ADAMTSL1: variants seen among roughly 807,000 people sequenced by gnomAD.
The protein encoded by ADAMTSL1 is ADAMTS like 1, also known as ADAMTS-like protein 1.
A neutral mutation model predicts 201.8 loss-of-function variants in ADAMTSL1; 126 were observed. The ratio of observed to expected loss-of-function variants is 0.62; its 90% CI spans 0.54 to 0.72. The LOEUF is 0.72. ADAMTSL1 is among the 30% of genes least tolerant of loss of function. The probability of loss-of-function intolerance (pLI) is 0.00; values close to 1 mark genes in which losing one functional copy is unlikely to be tolerated. For missense variants in ADAMTSL1, 2,679 were observed against 2,277.8 expected, an observed-to-expected ratio of 1.18 and a Z score of -3.59; for synonymous variants, 1,121 against 903.4, an observed-to-expected ratio of 1.24 and a Z score of -4.32.
At chr9:17,951,779 A>C (rs1424550296) in intron 1 of ADAMTSL1, among the ~76,000 whole-genome samples, 1 of 151,788 alleles carries the variant, frequency 6.6e-6, no homozygotes, top group Non-Finnish European at 1.5e-5. Context: ...ATTTTGTTCT[A>C]ATATTTTGTA....
intron 21 of ADAMTSL1, among the ~76,000 whole-genome samples, chr9:18,823,028 A>C (rs1824312224): frequency 6.6e-6 from 1 of 152,190 alleles, no homozygotes; most frequent in Non-Finnish European, 1.5e-5. Flanking sequence ...TACATGCGTA[A>C]TGTCAGAGCC....
At chr9:18,603,160 C>T (rs1824770183) in intron 4 of ADAMTSL1, among the ~76,000 whole-genome samples, 1 of 151,448 alleles carries the variant, frequency 6.6e-6, no homozygotes, top group Admixed American at 6.6e-5. Context: ...CATGATTAAA[C>T]TCTGAGAGCT....
intron 2 of ADAMTSL1, among the ~76,000 whole-genome samples, chr9:18,396,509 A>G (rs1817758305): frequency 6.7e-6 from 1 of 148,228 alleles, no homozygotes; most frequent in Admixed American, 6.8e-5. Flanking sequence ...AATGAGTGAA[A>G]TTATATATTA....
At chr9:18,322,793 C>G (rs1028616440) in intron 2 of ADAMTSL1, among the ~76,000 whole-genome samples, 4 of 152,090 alleles carry the variant, frequency 2.6e-5, no homozygotes, top group Admixed American at 2.0e-4. Context: ...GTATCATCAA[C>G]AACTTTATGC....
intron 21 of ADAMTSL1, among the ~76,000 whole-genome samples, chr9:18,822,758 T>C (rs1009520698): frequency 6.6e-5 from 10 of 152,246 alleles, no homozygotes; most frequent in Non-Finnish European, 2.9e-5. Context: ...ATTGTGTTTA[T>C]AAAATGTTTG....
intron 4 of ADAMTSL1, among the ~76,000 whole-genome samples, chr9:18,602,544 G>T (rs1042418404): frequency 6.6e-6 from 1 of 152,170 alleles, no homozygotes; most frequent in African/African-American, 2.4e-5. Flanking sequence ...GGGGGACTTG[G>T]CAGCCTGCCT....
intron 1 of ADAMTSL1, among the ~76,000 whole-genome samples, chr9:18,503,419 G>GTATATATATATA (rs1206500089): frequency 1.7e-5 from 1 of 58,240 alleles, no homozygotes; most frequent in African/African-American, 5.8e-5. Context: ...GTATTCCATT[G>GTATATATATATA]TGTATATATA....
intron 1 of ADAMTSL1, among the ~76,000 whole-genome samples, chr9:17,930,256 T>C (rs929550303): frequency 1.3e-5 from 2 of 152,166 alleles, no homozygotes; most frequent in Admixed American, 6.5e-5. Context: ...ATGGAGTCTC[T>C]GCCGTCTTTA....
intron 1 of ADAMTSL1, among the ~76,000 whole-genome samples, chr9:18,100,975 G>A (rs1000574503): frequency 2.0e-5 from 3 of 152,078 alleles, no homozygotes; most frequent in Non-Finnish European, 2.9e-5. Context: ...CGCTCTTGAT[G>A]GCTTGTCCTC....
intron 10 of ADAMTSL1, among the ~76,000 whole-genome samples, chr9:18,679,402 T>C (rs1830314331): frequency 6.6e-6 from 1 of 152,190 alleles, no homozygotes; most frequent in Non-Finnish European, 1.5e-5. Flanking sequence ...AAATTCTACA[T>C]TCTGTAAATC....
chr9:18,504,144 C>A (rs982115685), intron 1 of ADAMTSL1, among the ~76,000 whole-genome samples: 1 of 152,046 alleles, frequency 6.6e-6, no homozygotes, highest in African/African-American at 2.4e-5. Flanking sequence ...AACTCCAGAG[C>A]CTGTTCTCTT....
chr9:17,920,636 G>C lies in ADAMTSL1; in HGVS notation c.87+13714G>C, dbSNP rs113516425. ...CAGTTCCATTTTAAATCTAGATCCT[G>C]TGTCTTCAGCCTGCATTTTTTGGTC... On this transcript the variant is annotated intron_variant, in intron 1 of 29. Transcript: ENST00000680146. Among the ~76,000 whole-genome samples, 722 of 152,256 alleles carry C rather than the reference G, an allele frequency of 4.7e-3. 8 individuals carry two copies. The highest frequency in any genetic ancestry group is 0.016 in the African/African-American group (681 of 41,554).
In ADAMTSL1 at chr9:18,701,480, A is replaced by G. The variant is rs187674102; in HGVS notation, c.1575-5267A>G. Among the ~76,000 whole-genome samples the G allele has an allele frequency of 6.7e-3, 1,023 of 152,290 alleles. 10 individuals carry two copies. The highest frequency in any genetic ancestry group is 0.023 in the African/African-American group (970 of 41,558). ...GGCGATCCGCCCACCTCAGCCTCCC[A>G]AAGTGCTGAGATTACAGGCATGAGC... is the stretch of plus-strand genomic sequence containing the variant. On this transcript the variant is annotated intron_variant, in intron 13 of 28. Transcript: ENST00000380548.
Position 18,777,081 on chromosome 9 carries a change from C to T in ADAMTSL1, c.2852C>T (p.Pro951Leu), listed in dbSNP as rs1821069456. ...GGCGTCTACACCTGCTCAGCGGGCC[C>T]GGCCCGGGAGCACTTTGTGATTAAG... ...DAGVYTCSAG[P>L]AREHFVIKLI... Residue 951 changes from proline (P) to leucine (L), a missense_variant, in exon 19 of 29, where the codon CCG (proline) becomes CTG (leucine). By Grantham distance (98) the Pro-to-Leu change is moderately conservative. Transcript: ENST00000380548. 3 of 1,613,288 alleles carry T rather than the reference C, an allele frequency of 1.9e-6. No homozygotes were observed. Among genetic ancestry groups the T allele is most frequent in the Middle Eastern group, 1.6e-4 (1 of 6,062 alleles).
chr9:18,698,448 C>T (rs527380981), intron 13 of ADAMTSL1, among the ~76,000 whole-genome samples: 155 of 152,006 alleles, frequency 1.0e-3, no homozygotes, highest in Non-Finnish European at 4.0e-4. Context: ...CCATGCCTGG[C>T]TAATTTTTTG....
chr9:18,804,955 T>A (rs1038723921), intron 20 of ADAMTSL1, among the ~76,000 whole-genome samples: 2 of 152,238 alleles, frequency 1.3e-5, no homozygotes, highest in South Asian at 4.1e-4. Context: ...ACTTCATTGC[T>A]TTAAACTAAA....
At chr9:18,905,695 G>A in intron 26 of ADAMTSL1, 87 bp from the exon 27 acceptor site, 1 of 983,872 alleles carries the variant, frequency 1.0e-6, no homozygotes, top group South Asian at 1.4e-5. Flanking sequence ...CCTACACAAG[G>A]ATCGTGCATG....
At chr9:18,228,199 A>T (rs1028748951) in intron 2 of ADAMTSL1, among the ~76,000 whole-genome samples, 2 of 152,192 alleles carry the variant, frequency 1.3e-5, no homozygotes, top group Non-Finnish European at 2.9e-5. Context: ...TGTCTGGTGA[A>T]AGTGAGAGGA....
chr9:18,523,013 C>G (rs1183071008), intron 2 of ADAMTSL1, among the ~76,000 whole-genome samples: 1 of 152,168 alleles, frequency 6.6e-6, no homozygotes, highest in Non-Finnish European at 1.5e-5. Flanking sequence ...GAGGAATCGC[C>G]ACACTGTCTT....
Sources: allele counts gnomAD v4.1 joint callset (sites outside exome capture counted in the v4.1 genomes callset), GRCh38; gene constraint gnomAD v4.1.1; transcripts MANE v1.5; gene names NCBI Gene and HGNC (gene_info 2026-07-23, HGNC 2026-07-21).